The following ZBTB8A variants were observed in gnomAD, a reference collection of about 807,000 sequenced individuals.
ZBTB8A encodes the protein zinc finger and BTB domain-containing protein 8A.
ZBTB8A carries 19 observed loss-of-function variants against 37.8 expected under a neutral mutation model. The ratio of observed to expected loss-of-function variants is 0.50; its 90% CI spans 0.35 to 0.74. The LOEUF (loss-of-function observed/expected upper bound fraction) is 0.74. Ranked by LOEUF, ZBTB8A falls within the 30% of genes least tolerant of loss-of-function variation. The pLI is 0.01. For synonymous variants in ZBTB8A, 181 were observed against 185.2 expected (o/e 0.98, Z 0.19); for missense variants, 394 against 537.8 (o/e 0.73, Z 2.65).
At chr1:32,599,229 C>T (rs2148255317) in intron 4 of ZBTB8A, among the ~76,000 whole-genome samples, 1 of 151,400 alleles carries the variant, frequency 6.6e-6, no homozygotes, top group African/African-American at 2.4e-5. Flanking sequence ...TATGTTCAGC[C>T]TGGAAAACAT....
At chr1:32,560,343 T>C (rs957361265) in intron 2 of ZBTB8A, among the ~76,000 whole-genome samples, 3 of 151,850 alleles carry the variant, frequency 2.0e-5, no homozygotes, top group African/African-American at 4.8e-5. Flanking sequence ...CCACAAAGAG[T>C]CTCCACCAGC....
At chr1:32,570,417 A>C (rs1201013530) in intron 2 of ZBTB8A, among the ~76,000 whole-genome samples, 1 of 152,106 alleles carries the variant, frequency 6.6e-6, no homozygotes, top group African/African-American at 2.4e-5. Flanking sequence ...TTCCCTTTAA[A>C]TTTTAGAAGC....
At chr1:32,584,021 G>T (rs1644427188) in intron 2 of ZBTB8A, among the ~76,000 whole-genome samples, 1 of 152,122 alleles carries the variant, frequency 6.6e-6, no homozygotes, top group Non-Finnish European at 1.5e-5. Flanking sequence ...GCCTCCCAAA[G>T]TGCTGGGATT....
Position 32,572,908 on chromosome 1 carries a change from A to G in ZBTB8A, c.-2+19368A>G, listed in dbSNP as rs368055623. Among the ~76,000 whole-genome samples the G allele has an allele frequency of 3.4e-4, 52 of 151,432 alleles. 1 individual carries two copies. The highest frequency in any genetic ancestry group is 3.4e-3 in the Middle Eastern group (1 of 290). On this transcript the variant is annotated intron_variant, in intron 2 of 4. Transcript: ENST00000373510. ...GGTTGATCTAGCTAAAGGTTAATCAATCTTTATTGATAATGATTAATTTAT... is the reference window on the plus strand; with the variant it reads ...GGTTGATCTAGCTAAAGGTTAATCAGTCTTTATTGATAATGATTAATTTAT...
chr1:32,547,828 C>CA (rs1194254576), intron 1 of ZBTB8A, among the ~76,000 whole-genome samples: 5,516 of 30,372 alleles, frequency 0.18, 496 homozygotes, highest in Non-Finnish European at 0.2. Flanking sequence ...ACAAACAAAG[C>CA]AAAAAAAAAA....
At chr1:32,578,234 T>TA (rs1644377975) in intron 2 of ZBTB8A, among the ~76,000 whole-genome samples, 14 of 150,966 alleles carry the variant, frequency 9.3e-5, no homozygotes, top group Non-Finnish European at 1.9e-4. Context: ...CTGGCTAATT[T>TA]TTTTTTTTTT....
intron 2 of ZBTB8A, among the ~76,000 whole-genome samples, chr1:32,580,324 G>C (rs1161014241): frequency 2.0e-5 from 3 of 152,128 alleles, no homozygotes; most frequent in African/African-American, 7.2e-5. Context: ...TTGGGAGGCT[G>C]AGGCAGGCAG....
chr1:32,540,768 A>G (rs1044501754), intron 1 of ZBTB8A, among the ~76,000 whole-genome samples: 1 of 152,240 alleles, frequency 6.6e-6, no homozygotes. Context: ...GACTGGAGCA[A>G]GAGCCCCTCA....
At chr1:32,578,556 T>A (rs1361519416) in intron 2 of ZBTB8A, among the ~76,000 whole-genome samples, 1 of 152,092 alleles carries the variant, frequency 6.6e-6, no homozygotes, top group Non-Finnish European at 1.5e-5. Flanking sequence ...TATCTTTCAA[T>A]ATGTTCATTT....
chr1:32,586,071 A>C (rs1161334356), intron 2 of ZBTB8A, among the ~76,000 whole-genome samples: 1 of 151,660 alleles, frequency 6.6e-6, no homozygotes, highest in Non-Finnish European at 1.5e-5. Context: ...TAATGTCAGC[A>C]CTTTGGGAGG....
At chr1:32,578,787 C>T (rs1172541192) in intron 2 of ZBTB8A, among the ~76,000 whole-genome samples, 2 of 151,974 alleles carry the variant, frequency 1.3e-5, no homozygotes, top group Non-Finnish European at 2.9e-5. Flanking sequence ...GATCATAGCG[C>T]GCTACAGCCT....
chr1:32,558,657 G>A (rs1248741549), intron 2 of ZBTB8A, among the ~76,000 whole-genome samples: 1 of 152,186 alleles, frequency 6.6e-6, no homozygotes, highest in Admixed American at 6.6e-5. Context: ...TTTGGCCTGG[G>A]ATGGTTCCTG....
At chr1:32,594,822 A>G (rs1340978982) in intron 3 of ZBTB8A, among the ~76,000 whole-genome samples, 1 of 152,136 alleles carries the variant, frequency 6.6e-6, no homozygotes, top group Non-Finnish European at 1.5e-5. Flanking sequence ...AAATATATCA[A>G]ATACCGAAGT....
chr1:32,568,287 A>G (rs1039253644), intron 2 of ZBTB8A, among the ~76,000 whole-genome samples: 3 of 151,894 alleles, frequency 2.0e-5, no homozygotes, highest in Non-Finnish European at 2.9e-5. Flanking sequence ...AATTTCCCTC[A>G]TGCCTTTTTT....
intron 2 of ZBTB8A, among the ~76,000 whole-genome samples, chr1:32,571,764 A>G (rs565742741): frequency 6.8e-6 from 1 of 147,798 alleles, no homozygotes; most frequent in South Asian, 2.2e-4. Flanking sequence ...TTTAGTACAG[A>G]TAAGGTTTTG....
chr1:32,587,243 T>A (rs1644456990), intron 2 of ZBTB8A, among the ~76,000 whole-genome samples: 1 of 151,920 alleles, frequency 6.6e-6, no homozygotes, highest in Non-Finnish European at 1.5e-5. Context: ...CCATCTCAGA[T>A]AAATAGCCTC....
intron 2 of ZBTB8A, among the ~76,000 whole-genome samples, chr1:32,567,218 G>A (rs1201294752): frequency 6.6e-6 from 1 of 152,108 alleles, no homozygotes; most frequent in African/African-American, 2.4e-5. Context: ...GAGTGAAGGA[G>A]GAGGTGCTAC....
At chr1:32,582,995 T>C (rs1171038248) in intron 2 of ZBTB8A, among the ~76,000 whole-genome samples, 1 of 152,178 alleles carries the variant, frequency 6.6e-6, no homozygotes, top group Non-Finnish European at 1.5e-5. Flanking sequence ...TAAAACTCCT[T>C]GAGAACTAAT....
chr1:32,539,688 G>C (rs1239332669), intron 1 of ZBTB8A, 116 bp downstream of exon 1: 1 of 1,440 alleles, frequency 6.9e-4, no homozygotes, highest in Non-Finnish European at 2.0e-3. Flanking sequence ...GCTGGGATGC[G>C]GGCCCCGGGC....
Sources: gnomAD v4.1 joint callset for allele counts (sites outside exome capture counted in the v4.1 genomes callset) on GRCh38, gnomAD v4.1.1 for gene constraint, MANE v1.5 for transcripts, NCBI Gene and HGNC (gene_info 2026-07-23, HGNC 2026-07-21) for gene names.